The following DCDC1 variants were observed in gnomAD, a reference collection of about 807,000 sequenced individuals.
The protein encoded by DCDC1 is doublecortin domain-containing protein 1.
DCDC1 carries 200 observed loss-of-function variants against 178.3 expected under a neutral mutation model. The observed-to-expected ratio is 1.12, with a 90% CI of 1.00 to 1.26. DCDC1 has a LOEUF of 1.26. Among genes scored for constraint, DCDC1 ranks in the 50% most tolerant of loss-of-function variants. DCDC1 has a pLI of 0.00. For missense variants in DCDC1, 1,983 were observed against 1,749.2 expected (o/e 1.13, Z -2.38); for synonymous variants, 690 against 604.8 (o/e 1.14, Z -2.07).
rs547088411 is a variant in DCDC1, at chr11:31,286,362, C to T, written c.960+4285G>A. On this transcript the variant is annotated intron_variant, in intron 7 of 38. Transcript: ENST00000684477. ...TTCTGTTCTCTTTGAAGTAAGTTAA[C>T]ATTATATTATTCATAGCATATATAT... Among the ~76,000 whole-genome samples, 5 of 152,072 alleles carry T rather than the reference C, an allele frequency of 3.3e-5. No homozygotes were observed. The East Asian group carries it at 9.7e-4, about 29-fold the overall frequency.
Position 30,905,149 on chromosome 11 carries a change from C to G in DCDC1, c.4120G>C (p.Asp1374His). Reference protein sequence around the residue: ...ISVAEVDLSCDKAEKTLSYYQ... With the variant: ...ISVAEVDLSCHKAEKTLSYYQ... ...TAACTTAGAGTTTTTTCAGCCTTGT[C>G]ACACGACAAATCAACCTAATTTTTT... Residue 1374 changes from aspartate (D) to histidine (H), a missense_variant, in exon 31 of 39, where the codon GAC becomes CAC. Transcript: ENST00000684477. The G allele has an allele frequency of 6.2e-7, 1 of 1,600,666 alleles. No homozygotes were observed. Among genetic ancestry groups the G allele is most frequent in the East Asian group, 2.2e-5 (1 of 44,530 alleles).
intron 17 of DCDC1, among the ~76,000 whole-genome samples, chr11:31,091,073 TAA>T (rs894442084): frequency 6.6e-6 from 1 of 152,196 alleles, no homozygotes; most frequent in South Asian, 2.1e-4. Context: ...CACAAAAATT[TAA>T]GTTTGTTAAT....
intron 9 of DCDC1, among the ~76,000 whole-genome samples, chr11:31,190,127 A>G (rs1969973575): frequency 6.6e-6 from 1 of 152,216 alleles, no homozygotes; most frequent in Non-Finnish European, 1.5e-5. Context: ...CTTATTTAAC[A>G]TGATGAAGAT....
At chr11:31,054,365 C>G (rs1196249054) in intron 20 of DCDC1, among the ~76,000 whole-genome samples, 1 of 151,992 alleles carries the variant, frequency 6.6e-6, no homozygotes, top group Non-Finnish European at 1.5e-5. Context: ...GAAACACATC[C>G]CATCCTCACA....
chr11:30,936,489 A>AGG (rs1565097332), intron 21 of DCDC1, among the ~76,000 whole-genome samples: 1 of 152,164 alleles, frequency 6.6e-6, no homozygotes, highest in Non-Finnish European at 1.5e-5. Flanking sequence ...ATTTCCCTTA[A>AGG]CACCCTTGAG....
intron 7 of DCDC1, among the ~76,000 whole-genome samples, chr11:31,288,194 A>G (rs1486572443): frequency 2.6e-5 from 4 of 151,948 alleles, no homozygotes; most frequent in East Asian, 1.9e-4. Context: ...TTGTGTATCC[A>G]TATCAGCTAT....
At chr11:31,074,526 T>C (rs1343780642) in intron 18 of DCDC1, among the ~76,000 whole-genome samples, 1 of 152,138 alleles carries the variant, frequency 6.6e-6, no homozygotes. Flanking sequence ...GAATACGGCA[T>C]TTGTCCCCTC....
At chr11:30,888,078 GAGAGAGAAAGAAAGAAAGAA>G (rs1300196026) in intron 36 of DCDC1, among the ~76,000 whole-genome samples, 20 of 97,808 alleles carry the variant, frequency 2.0e-4, no homozygotes, top group South Asian at 3.9e-4. Flanking sequence ...GAGAGAGAGA[GAGAGAGAAAGAAAGAAAGAA>G]AAAGAAAGAA....
intron 9 of DCDC1, among the ~76,000 whole-genome samples, chr11:31,187,388 A>G (rs1969631375): frequency 6.6e-6 from 1 of 152,174 alleles, no homozygotes; most frequent in Admixed American, 6.5e-5. Flanking sequence ...ATAATGTTTG[A>G]CTGATTAATA....
intron 17 of DCDC1, among the ~76,000 whole-genome samples, chr11:31,082,312 A>G (rs1590978769): frequency 6.6e-6 from 1 of 152,068 alleles, no homozygotes; most frequent in South Asian, 2.1e-4. Context: ...TAATGATGAT[A>G]CTCTTATCAC....
intron 6 of DCDC1, among the ~76,000 whole-genome samples, chr11:31,293,074 C>T (rs931038390): frequency 5.9e-5 from 9 of 152,146 alleles, no homozygotes; most frequent in Non-Finnish European, 1.3e-4. Context: ...GTGAGCATCA[C>T]TCCACTACGT....
At chr11:31,360,982 G>T (rs1218683752) in intron 1 of DCDC1, among the ~76,000 whole-genome samples, 1 of 151,966 alleles carries the variant, frequency 6.6e-6, no homozygotes, top group African/African-American at 2.4e-5. Context: ...TATTAAATTG[G>T]GCTACTAAAT....
At chr11:30,935,184 C>T (rs1436674375) in intron 21 of DCDC1, among the ~76,000 whole-genome samples, 8 of 152,206 alleles carry the variant, frequency 5.3e-5, no homozygotes, top group Non-Finnish European at 1.0e-4. Flanking sequence ...GTTTATTCTT[C>T]AAGGGTCTCC....
chr11:31,368,383 G>A (rs1381987242), intron 1 of DCDC1, among the ~76,000 whole-genome samples: 3 of 152,222 alleles, frequency 2.0e-5, no homozygotes, highest in Non-Finnish European at 4.4e-5. Context: ...AAGGGAGTTT[G>A]AGGGCTAGAG....
chr11:31,162,144 T>C (rs998554279), intron 9 of DCDC1, among the ~76,000 whole-genome samples: 1 of 152,142 alleles, frequency 6.6e-6, no homozygotes, highest in Non-Finnish European at 1.5e-5. Context: ...AAAGAAACTA[T>C]GCATAATTTT....
intron 9 of DCDC1, among the ~76,000 whole-genome samples, chr11:31,161,440 T>C (rs1157610667): frequency 1.3e-5 from 2 of 152,228 alleles, no homozygotes; most frequent in African/African-American, 4.8e-5. Flanking sequence ...CTGCTGATTC[T>C]GTGTGACCTT....
chr11:30,873,352 T>TAGAG (rs1442061305), intron 38 of DCDC1, among the ~76,000 whole-genome samples: 19 of 141,368 alleles, frequency 1.3e-4, no homozygotes, highest in African/African-American at 2.2e-4. Flanking sequence ...TACATATATA[T>TAGAG]ATATATATAT....
chr11:30,922,468 C>T, intron 24 of DCDC1, 35 bp downstream of exon 24: 2 of 1,461,772 alleles, frequency 1.4e-6, no homozygotes, highest in East Asian at 2.6e-5. Flanking sequence ...TTCATTTTGG[C>T]TGAATATATT....
intron 7 of DCDC1, among the ~76,000 whole-genome samples, chr11:31,283,291 G>A (rs2137304167): frequency 6.6e-6 from 1 of 151,966 alleles, no homozygotes. Context: ...ACTGCAGTTT[G>A]GATAGCTTCA....
Sources: allele counts gnomAD v4.1 joint callset (sites outside exome capture counted in the v4.1 genomes callset), GRCh38; gene constraint gnomAD v4.1.1; transcripts MANE v1.5; gene names NCBI Gene and HGNC (gene_info 2026-07-23, HGNC 2026-07-21).